The following CADM2 variants were observed in gnomAD, a reference collection of about 807,000 sequenced individuals.
CADM2 encodes the protein cell adhesion molecule 2.
CADM2 carries 12 observed loss-of-function variants against 49.8 expected under a neutral mutation model. The observed-to-expected ratio is 0.24, with a 90% CI of 0.15 to 0.39. CADM2 has a LOEUF of 0.39. Ranked by LOEUF, CADM2 falls within the 10% of genes least tolerant of loss-of-function variation. The pLI, the probability that CADM2 is intolerant of heterozygous loss-of-function variation, is 1.00. For synonymous variants in CADM2, 214 were observed against 175.4 expected, an observed-to-expected ratio of 1.22 and a Z score of -1.74; for missense variants, 378 against 492.3, an observed-to-expected ratio of 0.77 and a Z score of 2.20.
intron 1 of CADM2, among the ~76,000 whole-genome samples, chr3:85,527,869 A>G (rs1167065050): frequency 1.3e-5 from 2 of 152,166 alleles, no homozygotes; most frequent in Admixed American, 1.3e-4. Flanking sequence ...TTTTTTCTCC[A>G]AAGAGTAGTA....
intron 2 of CADM2, among the ~76,000 whole-genome samples, chr3:85,782,721 CT>C (rs1448903219): frequency 6.6e-6 from 1 of 151,492 alleles, no homozygotes; most frequent in African/African-American, 2.4e-5. Context: ...CTTTCTTTCT[CT>C]CCTTAAATTA....
chr3:85,077,859 G>A (rs989096349), intron 1 of CADM2, among the ~76,000 whole-genome samples: 6 of 151,866 alleles, frequency 4.0e-5, no homozygotes, highest in Non-Finnish European at 7.4e-5. Flanking sequence ...AATATCATTC[G>A]TTAGTAAAGC....
chr3:85,343,515 C>T (rs764981136), intron 1 of CADM2, among the ~76,000 whole-genome samples: 2 of 152,152 alleles, frequency 1.3e-5, no homozygotes, highest in African/African-American at 2.4e-5. Flanking sequence ...TTCTTTGACT[C>T]ATTTCACCCT....
chr3:85,072,254 C>T (rs1284849231), intron 1 of CADM2, among the ~76,000 whole-genome samples: 2 of 151,778 alleles, frequency 1.3e-5, no homozygotes, highest in Non-Finnish European at 2.9e-5. Context: ...AGTTTTAACC[C>T]CAAAAGGACA....
chr3:85,988,776 C>A (rs140729003), intron 8 of CADM2, among the ~76,000 whole-genome samples: 412 of 152,176 alleles, frequency 2.7e-3, no homozygotes, highest in Non-Finnish European at 4.9e-3. Flanking sequence ...AGTTTAGGTC[C>A]ACTTATTTTT....
chr3:85,878,943 A>T (rs1347120151), intron 3 of CADM2, among the ~76,000 whole-genome samples: 1 of 151,978 alleles, frequency 6.6e-6, no homozygotes, highest in East Asian at 1.9e-4. Flanking sequence ...GTATCACAGC[A>T]GGAATTTGAG....
At chr3:85,367,695 A>G (rs1001733253) in intron 1 of CADM2, among the ~76,000 whole-genome samples, 4 of 152,016 alleles carry the variant, frequency 2.6e-5, no homozygotes, top group Admixed American at 2.0e-4. Flanking sequence ...CAATGCTACT[A>G]TTGCCTACTT....
In CADM2 at chr3:85,910,553, G is replaced by A. The variant is rs879378990; in HGVS notation, c.530-1820G>A. 2.0e-5 allele frequency among the ~76,000 whole-genome samples: 3 copies of A among 152,020 alleles called. No individual in the cohort carries two copies. The East Asian group carries it at 5.8e-4, about 29-fold the overall frequency. ...GCAAAAATCTTAGTAAATGACTTTA[G>A]TAAAAATGAGATGAGATATTTCATA... On this transcript the variant is annotated intron_variant, in intron 5 of 9. Transcript: ENST00000383699.
intron 1 of CADM2, among the ~76,000 whole-genome samples, chr3:85,628,623 A>G (rs2064203663): frequency 1.7e-5 from 1 of 57,992 alleles, no homozygotes; most frequent in Non-Finnish European, 3.0e-5. Context: ...TTATATACAT[A>G]TATACGCATA....
chr3:85,866,694 T>G (rs1165751926), intron 3 of CADM2, among the ~76,000 whole-genome samples: 1 of 152,072 alleles, frequency 6.6e-6, no homozygotes, highest in Non-Finnish European at 1.5e-5. Context: ...AAAAAATATA[T>G]ATTATAAAAA....
At chr3:85,219,807 A>G (rs745401127) in intron 1 of CADM2, among the ~76,000 whole-genome samples, 14 of 152,184 alleles carry the variant, frequency 9.2e-5, no homozygotes, top group Non-Finnish European at 1.8e-4. Context: ...ACAGTCAAAG[A>G]GAGAGCATAT....
At chr3:85,924,082 A>G (rs561418764) in intron 6 of CADM2, among the ~76,000 whole-genome samples, 43 of 152,330 alleles carry the variant, frequency 2.8e-4, no homozygotes, top group African/African-American at 8.9e-4. Context: ...CCAAAATTTC[A>G]TAATGTATCT....
intron 3 of CADM2, among the ~76,000 whole-genome samples, chr3:85,879,590 A>C (rs1316608994): frequency 6.6e-6 from 1 of 152,062 alleles, no homozygotes; most frequent in African/African-American, 2.4e-5. Context: ...TTGTGTAGTA[A>C]ATGTGTACAC....
At chr3:85,008,029 A>C (rs1258942155) in intron 1 of CADM2, among the ~76,000 whole-genome samples, 2 of 152,158 alleles carry the variant, frequency 1.3e-5, no homozygotes, top group African/African-American at 4.8e-5. Flanking sequence ...CTATATGCCT[A>C]TCTTTCTGAA....
chr3:85,427,131 T>A (rs1490712287), intron 1 of CADM2, among the ~76,000 whole-genome samples: 1 of 146,792 alleles, frequency 6.8e-6, no homozygotes, highest in Admixed American at 6.8e-5. Context: ...AATATTTGAG[T>A]TGAAACATTA....
chr3:85,567,438 A>G (rs1559914864), intron 1 of CADM2, among the ~76,000 whole-genome samples: 1 of 152,220 alleles, frequency 6.6e-6, no homozygotes, highest in African/African-American at 2.4e-5. Context: ...GTAATAGAGC[A>G]CAGGCAATAA....
chr3:85,862,090 A>G (rs1374539411), intron 3 of CADM2, among the ~76,000 whole-genome samples: 1 of 152,082 alleles, frequency 6.6e-6, no homozygotes, highest in Non-Finnish European at 1.5e-5. Context: ...TATTTTCACT[A>G]AGGTCAGATA....
intron 1 of CADM2, among the ~76,000 whole-genome samples, chr3:85,062,056 T>G (rs2036346106): frequency 6.6e-6 from 1 of 151,698 alleles, no homozygotes. Flanking sequence ...TCTGTCTCTC[T>G]CTCTGTCTCT....
At chr3:85,586,711 A>C (rs1185304893) in intron 1 of CADM2, among the ~76,000 whole-genome samples, 2 of 152,130 alleles carry the variant, frequency 1.3e-5, no homozygotes, top group Non-Finnish European at 2.9e-5. Context: ...TAATGAAAAC[A>C]GCTATATGGC....
Sources: gnomAD v4.1 joint callset for allele counts (sites outside exome capture counted in the v4.1 genomes callset) on GRCh38, gnomAD v4.1.1 for gene constraint, MANE v1.5 for transcripts, NCBI Gene and HGNC (gene_info 2026-07-23, HGNC 2026-07-21) for gene names.